The following PCDHGA10 variants were observed in gnomAD, a reference collection of about 807,000 sequenced individuals.
PCDHGA10 encodes the protein protocadherin gamma subfamily A, 10, also known as protocadherin gamma-A10.
A neutral mutation model predicts 59.5 loss-of-function variants in PCDHGA10; 42 were observed. The ratio of observed to expected loss-of-function variants is 0.71; its 90% CI spans 0.55 to 0.91. The LOEUF (loss-of-function observed/expected upper bound fraction) is 0.91. PCDHGA10 is among the 40% of genes least tolerant of loss of function. The pLI is 0.00. For synonymous variants in PCDHGA10, 511 were observed against 517.2 expected (o/e 0.99, Z 0.16); for missense variants, 1,111 against 1,198.2 (o/e 0.93, Z 1.07).
At chr5:141,438,914 C>T (rs1249997741) in intron 1 of PCDHGA10, among the ~76,000 whole-genome samples, 1 of 151,906 alleles carries the variant, frequency 6.6e-6, no homozygotes, top group Non-Finnish European at 1.5e-5. Flanking sequence ...GATCCACCTG[C>T]CTTGGCCTCC....
In PCDHGA10 at chr5:141,491,552, G is replaced by A. The variant is rs769927075; in HGVS notation, c.2437-3255G>A. 1 of 1,614,008 alleles carries A rather than the reference G, an allele frequency of 6.2e-7. No individual in the cohort carries two copies. The highest frequency in any genetic ancestry group is 1.7e-5 in the Admixed American group (1 of 60,024). On this transcript the variant is annotated intron_variant, in intron 1 of 3. Coordinates refer to ENST00000398610, the MANE Select transcript of PCDHGA10 (RefSeq NM_018913.3). This position sits in a 1 kb window ranked among gnomAD's most constrained non-coding sequence, Gnocchi z 6.9. Reference sequence around the variant, plus strand: ...ACGCTGCGGCCCACAGACTCGCAGAGCCACTGCTACAGGACGTGCTTTTCA... The same window carrying A: ...ACGCTGCGGCCCACAGACTCGCAGAACCACTGCTACAGGACGTGCTTTTCA...
At chr5:141,496,164 C>T (rs745320704) in intron 2 of PCDHGA10, among the ~76,000 whole-genome samples, 1 of 152,084 alleles carries the variant, frequency 6.6e-6, no homozygotes, top group Non-Finnish European at 1.5e-5. Context: ...CCACCAGACA[C>T]CCTCCCATCC....
intron 1 of PCDHGA10, among the ~76,000 whole-genome samples, chr5:141,483,652 G>A (rs746306843): frequency 2.0e-5 from 3 of 151,916 alleles, no homozygotes; most frequent in Non-Finnish European, 4.4e-5. Context: ...GTGTGTTTGT[G>A]TGTGTGTGTG....
rs1333951046 is a variant in PCDHGA10, at chr5:141,485,847, C to T, written c.2437-8960C>T. 10 of 1,614,092 alleles carry T rather than the reference C, an allele frequency of 6.2e-6. No individual in the cohort carries two copies. In the African/African-American group the frequency reaches 8.0e-5, roughly 13 times the overall value. On this transcript the variant is annotated intron_variant, in intron 1 of 3. Transcript: ENST00000398610. This position sits in a 1 kb window ranked among gnomAD's most constrained non-coding sequence, Gnocchi z 5.7. ...GGAGGGAACCCGCCGAGATCTGGCA[C>T]CGCAGAGCTCCGGGTATCCGTGCTG...
intron 1 of PCDHGA10, chr5:141,421,262 GGCT>G (rs748368476): frequency 2.1e-5 from 34 of 1,608,226 alleles, no homozygotes; most frequent in Admixed American, 5.1e-5. Flanking sequence ...GACCGCAGTC[GGCT>G]GCTGCTGCTG....
rs373516334 is a variant in PCDHGA10 at position 141,414,175 on chromosome 5, A to G, written c.1000A>G (p.Thr334Ala). Residue 334 changes from threonine to alanine, a missense_variant, in exon 1 of 4, where the codon ACT becomes GCT. Transcript: ENST00000398610. ...AGAAGATGGAGGAGCATATCTTGCA[A>G]CTGCAAAAGTGTTGATTACAGTAGA... The part of the protein sequence containing the change: ...QAEDGGAYLA[T>A]AKVLITVEDV... 1.6e-5 allele frequency: 25 copies of G among 1,607,698 alleles called. No homozygotes were observed. The highest frequency in any genetic ancestry group is 1.3e-4 in the South Asian group (12 of 90,242).
Position 141,423,601 on chromosome 5 carries a change from C to T in PCDHGA10, c.2436+7990C>T, listed in dbSNP as rs372165060. On this transcript the variant is annotated intron_variant, in intron 1 of 3. Transcript: ENST00000398610. The stretch of plus-strand genomic sequence containing the variant: ...GGAGAGCTGTGAGAAAAGCGAGCCA[C>T]TCTTGATAGCTGAAGACTCAGCTAT... The T allele has an allele frequency of 1.9e-6, 3 of 1,612,586 alleles. No homozygotes were observed. Among genetic ancestry groups the T allele is most frequent in the Admixed American group, 1.7e-5 (1 of 59,924 alleles).
intron 1 of PCDHGA10, among the ~76,000 whole-genome samples, chr5:141,459,494 G>C (rs1454297107): frequency 2.0e-5 from 3 of 152,200 alleles, no homozygotes; most frequent in African/African-American, 7.2e-5. Context: ...CTGAATTAAA[G>C]TGATGTGAAC....
chr5:141,451,606 G>A (rs2098720118), intron 1 of PCDHGA10, among the ~76,000 whole-genome samples: 1 of 152,152 alleles, frequency 6.6e-6, no homozygotes, highest in Admixed American at 6.5e-5. Flanking sequence ...ACAAGGCTAG[G>A]CATGGTGGCT....
chr5:141,510,814 C>CA, intron 3 of PCDHGA10, 133 bp from the exon 4 acceptor site: 1 of 1,544,688 alleles, frequency 6.5e-7, no homozygotes, highest in Admixed American at 1.8e-5. Flanking sequence ...TTGGTGACCC[C>CA]TATATTCCCA....
Position 141,510,362 on chromosome 5 carries a change from C to T in PCDHGA10, c.2585-585C>T, listed in dbSNP as rs74321279. Among the ~76,000 whole-genome samples the T allele has an allele frequency of 2.0e-4, 29 of 142,136 alleles. No homozygotes were observed. In the East Asian group the frequency reaches 5.7e-3, roughly 28 times the overall value. The allele number at this position is 142,136 out of a possible 152,430, so 93.2% of individuals were successfully genotyped here. A position where few individuals can be genotyped will look rare whatever the true frequency, so the allele number is the denominator to read the frequency against. On this transcript the variant is annotated intron_variant, in intron 3 of 3. Coordinates refer to ENST00000398610, the MANE Select transcript of PCDHGA10 (RefSeq NM_018913.3). ...CCCACACACTTACTAACGGAACTAC[C>T]GAATCTCTACTCGTGCCAGGCCTTG... is the stretch of plus-strand genomic sequence containing the variant.
rs149806642 is a variant in PCDHGA10 at position 141,502,449 on chromosome 5, A to T, written c.2496-2944A>T. 7.7e-3 allele frequency among the ~76,000 whole-genome samples: 1,166 copies of T among 151,886 alleles called. 15 individuals carry two copies. The highest frequency in any genetic ancestry group is 0.027 in the African/African-American group (1,103 of 41,308). On this transcript the variant is annotated intron_variant, in intron 2 of 3. Coordinates refer to ENST00000398610, the MANE Select transcript of PCDHGA10 (RefSeq NM_018913.3). The stretch of plus-strand genomic sequence containing the variant: ...TCTGATGGTTAGATTCAGATTACAC[A>T]CCTTGGTAGGAATACTTCCCGCAGC...
Position 141,489,515 on chromosome 5 carries a change from G to C in PCDHGA10, c.2437-5292G>C, listed in dbSNP as rs983415025. On this transcript the variant is annotated intron_variant, in intron 1 of 3. Coordinates refer to ENST00000398610, the MANE Select transcript of PCDHGA10 (RefSeq NM_018913.3). The surrounding 1 kb of genome is among the most constrained non-coding windows in gnomAD (Gnocchi z 4.5). ...CTGGCAGTGAATCAAAAGATTGACC[G>C]AGAAAGCCTATGTGGAGCCAGCACC... 1 of 1,614,104 alleles carries C rather than the reference G, an allele frequency of 6.2e-7. No individual in the cohort carries two copies. The highest frequency in any genetic ancestry group is 8.5e-7 in the Non-Finnish European group (1 of 1,180,034).
rs554003983 is a variant in PCDHGA10, at chr5:141,415,548, A to T, written c.2373A>T (p.Lys791Asn). 10 of 1,614,160 alleles carry T rather than the reference A, an allele frequency of 6.2e-6. No individual in the cohort carries two copies. The East Asian group carries it at 1.8e-4, about 29-fold the overall frequency. ...TCATCAGCCAGGAGAGCTGTGAGAA[A>T]AACGATCCTTTGTCTTTGTTAGATG... ...DTLISQESCE[K>N]NDPLSLLDDS... The change falls in exon 1 of 4, where the codon AAA becomes AAT. Residue 791 changes from lysine (K) to asparagine (N), a missense_variant. Coordinates refer to ENST00000398610, the MANE Select transcript of PCDHGA10 (RefSeq NM_018913.3).
chr5:141,417,805 G>T, intron 1 of PCDHGA10: 1 of 1,499,292 alleles, frequency 6.7e-7, no homozygotes. Flanking sequence ...TAGCGCGGTA[G>T]AGTGCACTTT....
At chr5:141,421,146 C>T in intron 1 of PCDHGA10, 1 of 1,015,090 alleles carries the variant, frequency 9.9e-7, no homozygotes, top group Non-Finnish European at 1.4e-6. Flanking sequence ...TGGATGTAGT[C>T]GGCCTAGGAC....
chr5:141,419,735 G>T (rs1013306543), intron 1 of PCDHGA10: 1 of 1,613,806 alleles, frequency 6.2e-7, no homozygotes, highest in Non-Finnish European at 8.5e-7. Context: ...AACAGGCGAG[G>T]TGCGCATGGT....
At chr5:141,433,044 A>T in intron 1 of PCDHGA10, 2 of 1,613,972 alleles carry the variant, frequency 1.2e-6, no homozygotes, top group Non-Finnish European at 8.5e-7. Flanking sequence ...CTCACCACGG[A>T]CTCGCGGAAG....
chr5:141,435,642 T>C lies in PCDHGA10; in HGVS notation c.2436+20031T>C, dbSNP rs1326178929. On this transcript the variant is annotated intron_variant, in intron 1 of 3. Coordinates refer to ENST00000398610, the MANE Select transcript of PCDHGA10 (RefSeq NM_018913.3). ...CATAACTTTTACAACTATGGGAAAA[T>C]TTCTGAAACGTGCACAGATTCCAAG... Among the ~76,000 whole-genome samples the C allele has an allele frequency of 2.0e-5, 3 of 152,156 alleles. No individual in the cohort carries two copies. The East Asian group carries it at 5.8e-4, about 29-fold the overall frequency.
Sources: allele counts gnomAD v4.1 joint callset (sites outside exome capture counted in the v4.1 genomes callset), GRCh38; gene constraint gnomAD v4.1.1; non-coding constraint Gnocchi (gnomAD v3.1); transcripts MANE v1.5; gene names NCBI Gene and HGNC (gene_info 2026-07-23, HGNC 2026-07-21).